The following WWOX variants were observed in gnomAD, a reference collection of about 807,000 sequenced individuals.
WWOX encodes the protein WW domain containing oxidoreductase.
WWOX carries 69 observed loss-of-function variants against 46.2 expected under a neutral mutation model. The ratio of observed to expected loss-of-function variants is 1.49; its 90% confidence interval spans 1.23 to 1.82. The LOEUF is 1.82. WWOX is among the 40% of genes most tolerant of loss of function. The probability of loss-of-function intolerance (pLI) is 0.00; values close to 1 mark genes in which losing one functional copy is unlikely to be tolerated. For synonymous variants in WWOX, 359 were observed against 202.6 expected (o/e 1.77, Z -6.56); for missense variants, 919 against 542.6 (o/e 1.69, Z -6.89).
chr16:78,392,202 C>T (rs114427826), intron 6 of WWOX, among the ~76,000 whole-genome samples: 28 of 152,148 alleles, frequency 1.8e-4, no homozygotes, highest in African/African-American at 6.0e-4. Flanking sequence ...CTGTCACTCT[C>T]ATTAGTGCCT....
At chr16:78,556,746 C>T (rs112875230) in intron 8 of WWOX, among the ~76,000 whole-genome samples, 5 of 152,196 alleles carry the variant, frequency 3.3e-5, no homozygotes, top group African/African-American at 7.2e-5. Context: ...GATGGACTTT[C>T]GCTTTTTTGC....
At chr16:78,592,698 C>G (rs2045379769) in intron 8 of WWOX, among the ~76,000 whole-genome samples, 2 of 152,208 alleles carry the variant, frequency 1.3e-5, no homozygotes, top group Admixed American at 1.3e-4. Flanking sequence ...CTGCTGCTAA[C>G]AAGGACCCAA....
chr16:79,005,231 C>T (rs1472340722), intron 8 of WWOX, among the ~76,000 whole-genome samples: 1 of 152,060 alleles, frequency 6.6e-6, no homozygotes, highest in Non-Finnish European at 1.5e-5. Context: ...CTCCACCCAC[C>T]TACAGCTAAG....
intron 8 of WWOX, among the ~76,000 whole-genome samples, chr16:78,830,939 A>G (rs535393245): frequency 3.6e-4 from 55 of 152,184 alleles, no homozygotes; most frequent in Non-Finnish European, 5.3e-4. Flanking sequence ...GGCCATAGCA[A>G]TCATTGCAAA....
chr16:78,809,077 C>T (rs952985300), intron 8 of WWOX, among the ~76,000 whole-genome samples: 1 of 152,060 alleles, frequency 6.6e-6, no homozygotes, highest in African/African-American at 2.4e-5. Context: ...CCGAGAAACA[C>T]TGAGGACACA....
intron 6 of WWOX, among the ~76,000 whole-genome samples, chr16:78,415,158 T>C (rs1001840332): frequency 1.3e-5 from 2 of 150,798 alleles, no homozygotes; most frequent in African/African-American, 4.9e-5. Context: ...TACTCATGAG[T>C]TTTCACGGAA....
intron 8 of WWOX, among the ~76,000 whole-genome samples, chr16:79,095,515 C>T (rs903302709): frequency 6.6e-6 from 1 of 152,160 alleles, no homozygotes; most frequent in Non-Finnish European, 1.5e-5. Context: ...TCAGAATGTC[C>T]TCTTCAGATG....
chr16:79,166,880 G>T (rs1311438227), intron 8 of WWOX, among the ~76,000 whole-genome samples: 1 of 152,030 alleles, frequency 6.6e-6, no homozygotes, highest in East Asian at 1.9e-4. Context: ...TTGCTTATTT[G>T]TTCAGAAGAG....
At chr16:78,586,396 A>C (rs1485922071) in intron 8 of WWOX, among the ~76,000 whole-genome samples, 1 of 152,136 alleles carries the variant, frequency 6.6e-6, no homozygotes, top group Non-Finnish European at 1.5e-5. Context: ...CTTCCTGGCA[A>C]AATGGGGAGG....
At chr16:79,069,150 C>T (rs968074871) in intron 8 of WWOX, among the ~76,000 whole-genome samples, 5 of 152,176 alleles carry the variant, frequency 3.3e-5, no homozygotes, top group African/African-American at 1.2e-4. Context: ...GGGCCCTGCG[C>T]TGCGCTTGGC....
chr16:78,827,820 G>A (rs1331411909), intron 8 of WWOX, among the ~76,000 whole-genome samples: 1 of 152,144 alleles, frequency 6.6e-6, no homozygotes, highest in Non-Finnish European at 1.5e-5. Context: ...TAGCCTGGGC[G>A]GCAAGCAAGA....
intron 4 of WWOX, among the ~76,000 whole-genome samples, chr16:78,138,102 C>G (rs1459830262): frequency 6.6e-6 from 1 of 150,676 alleles, no homozygotes; most frequent in Non-Finnish European, 1.5e-5. Context: ...GTCTAAATGG[C>G]TCGCTGCATC....
At chr16:78,109,640 A>G in intron 2 of WWOX, 138 bp from the exon 3 acceptor site, 1 of 814,328 alleles carries the variant, frequency 1.2e-6, no homozygotes, top group Non-Finnish European at 2.1e-6. Context: ...ACATGTGACG[A>G]AAGCCAGTTG....
chr16:78,640,395 G>T (rs2432578), intron 8 of WWOX, among the ~76,000 whole-genome samples: 1 of 152,038 alleles, frequency 6.6e-6, no homozygotes, highest in Admixed American at 6.6e-5. Context: ...CTGGTGTTCA[G>T]AATTGGCAGG....
intron 8 of WWOX, among the ~76,000 whole-genome samples, chr16:78,730,887 G>A (rs2048954768): frequency 6.6e-6 from 1 of 152,078 alleles, no homozygotes; most frequent in African/African-American, 2.4e-5. Context: ...AGCCACAGGA[G>A]ATGCAGAAAC....
At chr16:79,034,423 A>G (rs971546862) in intron 8 of WWOX, among the ~76,000 whole-genome samples, 2 of 152,230 alleles carry the variant, frequency 1.3e-5, no homozygotes, top group Non-Finnish European at 2.9e-5. Flanking sequence ...AGGTGTATAC[A>G]CTGCCTGGGC....
intron 8 of WWOX, among the ~76,000 whole-genome samples, chr16:78,962,473 C>A (rs945271603): frequency 6.6e-6 from 1 of 151,964 alleles, no homozygotes; most frequent in Non-Finnish European, 1.5e-5. Context: ...CAGTCATTTT[C>A]TAAGAAAGTG....
intron 8 of WWOX, among the ~76,000 whole-genome samples, chr16:78,922,294 A>T (rs1017820749): frequency 1.3e-5 from 2 of 152,120 alleles, no homozygotes; most frequent in Admixed American, 6.5e-5. Context: ...CCTAAATCAC[A>T]TTAAGAGTCT....
intron 7 of WWOX, among the ~76,000 whole-genome samples, chr16:78,428,437 A>G (rs1178104161): frequency 6.6e-6 from 1 of 152,188 alleles, no homozygotes; most frequent in Admixed American, 6.5e-5. Context: ...TCTGCCCAGG[A>G]GACAGTGAGG....
Sources: gnomAD v4.1 joint callset for allele counts (sites outside exome capture counted in the v4.1 genomes callset) on GRCh38, gnomAD v4.1.1 for gene constraint, MANE v1.5 for transcripts, NCBI Gene and HGNC (gene_info 2026-07-23, HGNC 2026-07-21) for gene names.